The following BRINP2 variants were observed in gnomAD, a reference collection of about 807,000 sequenced individuals.
BRINP2 encodes the protein BMP/retinoic acid-inducible neural-specific protein 2.
A neutral mutation model predicts 69.2 loss-of-function variants in BRINP2; 21 were observed. The ratio of observed to expected loss-of-function variants is 0.30; its 90% CI spans 0.22 to 0.44. BRINP2 has a LOEUF of 0.44. BRINP2 is among the 20% of genes least tolerant of loss of function. The pLI is 1.00. For synonymous variants in BRINP2, 380 were observed against 394.1 expected, an observed-to-expected ratio of 0.96 and a Z score of 0.42; for missense variants, 877 against 986.0, an observed-to-expected ratio of 0.89 and a Z score of 1.48.
chr1:177,229,769 C>T, intron 1 of BRINP2, 32 bp from the exon 2 acceptor site: 1 of 1,449,518 alleles, frequency 6.9e-7, no homozygotes, highest in South Asian at 1.4e-5. Context: ...TAACAGGGTG[C>T]TCAAATGACA....
chr1:177,175,499 T>C (rs562017536), intron 1 of BRINP2, among the ~76,000 whole-genome samples: 30 of 152,318 alleles, frequency 2.0e-4, no homozygotes, highest in African/African-American at 6.7e-4. Flanking sequence ...GCGCAGGGCC[T>C]GTGAGAGGAC....
At chr1:177,201,004 G>A (rs773442023) in intron 1 of BRINP2, among the ~76,000 whole-genome samples, 30 of 152,242 alleles carry the variant, frequency 2.0e-4, no homozygotes, top group Middle Eastern at 3.4e-3. Flanking sequence ...GGATGCAAAA[G>A]AATGATACAA....
In BRINP2 at chr1:177,229,804, C is replaced by T. The variant is rs1012892954; in HGVS notation, c.-73C>T. The T allele has an allele frequency of 1.4e-5, 21 of 1,504,012 alleles. No homozygotes were observed. Among genetic ancestry groups the T allele is most frequent in the South Asian group, 6.8e-5 (5 of 73,674 alleles). The allele number at this position is 1,504,012 out of a possible 1,614,324, so 93.2% of individuals were successfully genotyped here. ...AATGCCTTTTGTACTTTTCCAGCTC[C>T]GAGCCCTGGAGGAGCAGCACGGAGC... On this transcript the variant is annotated 5_prime_UTR_variant, in exon 2 of 8. Coordinates refer to ENST00000361539, the MANE Select transcript of BRINP2 (RefSeq NM_021165.4).
chr1:177,254,461 A>T (rs1650689117), intron 2 of BRINP2, among the ~76,000 whole-genome samples: 1 of 151,986 alleles, frequency 6.6e-6, no homozygotes, highest in Non-Finnish European at 1.5e-5. Context: ...ACTTTTATTA[A>T]ATCCTGACCC....
chr1:177,248,193 C>CA (rs1395042755), intron 2 of BRINP2, among the ~76,000 whole-genome samples: 8 of 152,148 alleles, frequency 5.3e-5, no homozygotes, highest in Non-Finnish European at 1.2e-4. Flanking sequence ...ATCACTTATC[C>CA]AAAAAATGTT....
In BRINP2 at chr1:177,195,658, G is replaced by A. The variant is rs748865369; in HGVS notation, c.-77+23926G>A. On this transcript the variant is annotated intron_variant, in intron 1 of 7. Transcript: ENST00000361539. ...GTCAAACCAACACCAACGCTGGCAA[G>A]TGGGGGGGGAATCAATCCCTGAAAA... Among the ~76,000 whole-genome samples the A allele has an allele frequency of 5.0e-4, 76 of 151,890 alleles. 1 individual carries two copies. Among genetic ancestry groups the A allele is most frequent in the Non-Finnish European group, 8.8e-4 (60 of 67,990 alleles).
chr1:177,222,228 T>G (rs1219949633), intron 1 of BRINP2, among the ~76,000 whole-genome samples: 1 of 151,756 alleles, frequency 6.6e-6, no homozygotes, highest in Non-Finnish European at 1.5e-5. Flanking sequence ...TTTGGACTCT[T>G]TTTAGTGCTA....
At chr1:177,189,658 C>T (rs1260892019) in intron 1 of BRINP2, among the ~76,000 whole-genome samples, 1 of 152,118 alleles carries the variant, frequency 6.6e-6, no homozygotes, top group Non-Finnish European at 1.5e-5. Context: ...AAATACTTCT[C>T]AACTTAGAAA....
At chr1:177,215,124 T>C (rs1649337711) in intron 1 of BRINP2, among the ~76,000 whole-genome samples, 1 of 152,236 alleles carries the variant, frequency 6.6e-6, no homozygotes, top group African/African-American at 2.4e-5. Context: ...TCAATTGTTT[T>C]AGATTCCATA....
chr1:177,265,042 T>G (rs777088631), intron 4 of BRINP2, among the ~76,000 whole-genome samples: 1 of 152,202 alleles, frequency 6.6e-6, no homozygotes, highest in Non-Finnish European at 1.5e-5. Flanking sequence ...TCATGCTACC[T>G]GACTTCAAAC....
chr1:177,233,959 T>C (rs1649938956), intron 2 of BRINP2, among the ~76,000 whole-genome samples: 1 of 152,176 alleles, frequency 6.6e-6, no homozygotes, highest in African/African-American at 2.4e-5. Context: ...GGCTTGGGCA[T>C]TTCACCCAAT....
chr1:177,185,266 C>A (rs1648394546), intron 1 of BRINP2, among the ~76,000 whole-genome samples: 1 of 152,144 alleles, frequency 6.6e-6, no homozygotes, highest in East Asian at 1.9e-4. Flanking sequence ...GAAAGGTCTA[C>A]AATAAAGAAA....
At chr1:177,260,530 T>G (rs1232394842) in intron 4 of BRINP2, among the ~76,000 whole-genome samples, 1 of 152,172 alleles carries the variant, frequency 6.6e-6, no homozygotes, top group Non-Finnish European at 1.5e-5. Context: ...CAGAGAAATC[T>G]CTCATGAAAG....
At chr1:177,215,729 G>A (rs1192156067) in intron 1 of BRINP2, among the ~76,000 whole-genome samples, 1 of 152,014 alleles carries the variant, frequency 6.6e-6, no homozygotes, top group African/African-American at 2.4e-5. Context: ...CCAAAACCAT[G>A]ATGAATAGAC....
chr1:177,237,934 T>G (rs965099350), intron 2 of BRINP2, among the ~76,000 whole-genome samples: 5 of 152,150 alleles, frequency 3.3e-5, no homozygotes, highest in Non-Finnish European at 7.3e-5. Context: ...CTCAATATTT[T>G]TTTCTTTATT....
chr1:177,222,374 C>T (rs535140379), intron 1 of BRINP2, among the ~76,000 whole-genome samples: 42 of 152,186 alleles, frequency 2.8e-4, no homozygotes, highest in African/African-American at 1.0e-3. Flanking sequence ...TGCAATGGCA[C>T]GATCTGGGCT....
At chr1:177,240,137 C>T (rs892730860) in intron 2 of BRINP2, among the ~76,000 whole-genome samples, 4 of 152,200 alleles carry the variant, frequency 2.6e-5, no homozygotes, top group Non-Finnish European at 4.4e-5. Flanking sequence ...CTCTGTCTCC[C>T]AGGAAAGCCT....
At position 177,179,126 on chromosome 1, in the gene BRINP2, CT is replaced by C. The variant is rs139138852; in HGVS notation, c.-77+7397del. Among the ~76,000 whole-genome samples, 1,452 of 152,258 alleles carry C rather than the reference CT, an allele frequency of 9.5e-3. 58 individuals are homozygous for C. The East Asian group carries it at 0.14, about 15-fold the overall frequency. On this transcript the variant is annotated intron_variant, in intron 1 of 7. Transcript: ENST00000361539. ...CAAGTTTAGACCCCGAGTCCACATT[CT>C]TTATTACTATGGTATCCAGAAAAAT...
chr1:177,235,859 G>A (rs764224966), intron 2 of BRINP2, among the ~76,000 whole-genome samples: 37 of 152,178 alleles, frequency 2.4e-4, no homozygotes, highest in South Asian at 6.2e-4. Context: ...CAGGTGGATG[G>A]GAAAAAGGAA....
Sources: allele counts gnomAD v4.1 joint callset (sites outside exome capture counted in the v4.1 genomes callset), GRCh38; gene constraint gnomAD v4.1.1; transcripts MANE v1.5; gene names NCBI Gene and HGNC (gene_info 2026-07-23, HGNC 2026-07-21).